The following SPARCL1 variants were observed in gnomAD, a reference collection of about 807,000 sequenced individuals.
SPARCL1 encodes the protein SPARC like 1, also known as SPARC-like protein 1.
SPARCL1 carries 52 observed loss-of-function variants against 67.1 expected under a neutral mutation model. The ratio of observed to expected loss-of-function variants is 0.78; its 90% CI spans 0.62 to 0.98. SPARCL1 has a LOEUF of 0.98. Ranked by LOEUF, SPARCL1 falls within the 50% of genes least tolerant of loss-of-function variation. The pLI, the probability that SPARCL1 is intolerant of heterozygous loss-of-function variation, is 0.00. For synonymous variants in SPARCL1, 226 were observed against 267.8 expected, an observed-to-expected ratio of 0.84 and a Z score of 1.52; for missense variants, 717 against 782.4, an observed-to-expected ratio of 0.92 and a Z score of 1.00.
chr4:87,499,117 C>T (rs932416376), intron 2 of SPARCL1, among the ~76,000 whole-genome samples: 5 of 152,172 alleles, frequency 3.3e-5, no homozygotes, highest in Non-Finnish European at 5.9e-5. Flanking sequence ...CTCAGGTGAT[C>T]CGCCCATCTC....
At chr4:87,523,224 G>A (rs1293853082) in intron 1 of SPARCL1, among the ~76,000 whole-genome samples, 2 of 148,632 alleles carry the variant, frequency 1.3e-5, no homozygotes, top group African/African-American at 2.5e-5. Context: ...TCACACCACT[G>A]CACTCCAGCC....
intron 1 of SPARCL1, among the ~76,000 whole-genome samples, chr4:87,523,798 T>C (rs938117384): frequency 8.5e-5 from 13 of 152,222 alleles, no homozygotes; most frequent in African/African-American, 3.1e-4. Flanking sequence ...TACATTACAA[T>C]ATATTACCCA....
chr4:87,512,662 G>A (rs1044472677), intron 1 of SPARCL1, among the ~76,000 whole-genome samples: 1 of 152,092 alleles, frequency 6.6e-6, no homozygotes, highest in African/African-American at 2.4e-5. Flanking sequence ...ATTAACTCCA[G>A]ACAAAATCAG....
At chr4:87,494,819 A>G (rs1253983667) in intron 3 of SPARCL1, among the ~76,000 whole-genome samples, 162 bp downstream of exon 3, 3 of 152,200 alleles carry the variant, frequency 2.0e-5, no homozygotes, top group African/African-American at 7.2e-5. Flanking sequence ...AAACTCATTA[A>G]TCCTCATCAT....
chr4:87,511,965 C>CACTT (rs1725378061), intron 1 of SPARCL1, among the ~76,000 whole-genome samples: 1 of 82,032 alleles, frequency 1.2e-5, no homozygotes, highest in Non-Finnish European at 2.3e-5. Flanking sequence ...CTCTTTCTTT[C>CACTT]TCTTTTTTTT....
intron 1 of SPARCL1, among the ~76,000 whole-genome samples, chr4:87,508,285 C>T (rs1333549388): frequency 6.6e-6 from 1 of 151,844 alleles, no homozygotes; most frequent in African/African-American, 2.4e-5. Flanking sequence ...TGATTTTGAC[C>T]TCCTGGGCCC....
intron 1 of SPARCL1, among the ~76,000 whole-genome samples, chr4:87,512,019 C>CAGTGGCGTGATCT (rs1725385146): frequency 7.6e-6 from 1 of 132,432 alleles, no homozygotes; most frequent in Non-Finnish European, 1.5e-5. Flanking sequence ...GGCTGGAGTG[C>CAGTGGCGTGATCT]AGTGGCGTGA....
In SPARCL1 at chr4:87,525,849, G is replaced by A. The variant is rs571781100; in HGVS notation, c.-12+3196C>T. Among the ~76,000 whole-genome samples, 28 of 152,162 alleles carry A rather than the reference G, an allele frequency of 1.8e-4. No individual in the cohort carries two copies. In the South Asian group the frequency reaches 2.5e-3, roughly 14 times the overall value. The stretch of plus-strand genomic sequence containing the variant: ...CTCTACACCCTTTCATTGCTATGAC[G>A]ACAGCCTGCTCCTGCTACATGCAGC... On this transcript the variant is annotated intron_variant, in intron 1 of 10. Coordinates refer to ENST00000282470, the MANE Select transcript of SPARCL1 (RefSeq NM_004684.6).
chr4:87,482,421 T>TA lies in SPARCL1; in HGVS notation c.1668+2dup. 1 of 1,613,114 alleles carries TA rather than the reference T, an allele frequency of 6.2e-7. No homozygotes were observed. The highest frequency in any genetic ancestry group is 8.5e-7 in the Non-Finnish European group (1 of 1,179,828). On this transcript the variant is annotated splice_region_variant and intron_variant, in intron 8 of 10. Coordinates refer to ENST00000282470, the MANE Select transcript of SPARCL1 (RefSeq NM_004684.6). ...TGAAGAAGCTAACCTGTGGATAACT[T>TA]ACTTTATTTCTCTGCTTCTCATTTA...
At chr4:87,474,889 C>T (rs1291592471) in intron 10 of SPARCL1, among the ~76,000 whole-genome samples, 1 of 151,836 alleles carries the variant, frequency 6.6e-6, no homozygotes, top group African/African-American at 2.4e-5. Flanking sequence ...ACTACAGGCG[C>T]CCGCCACCAC....
chr4:87,508,889 G>GTATATA (rs142792848), intron 1 of SPARCL1, among the ~76,000 whole-genome samples: 2,982 of 138,300 alleles, frequency 0.022, 86 homozygotes, highest in Admixed American at 0.063. Context: ...ATGTATATAA[G>GTATATA]TATATATATA....
At chr4:87,508,182 G>A (rs62315960) in intron 1 of SPARCL1, among the ~76,000 whole-genome samples, 66,037 of 151,898 alleles carry the variant, frequency 0.43, 14,978 homozygotes, top group East Asian at 0.75. Context: ...GGGGAAACCC[G>A]GTAAGGCCCA....
chr4:87,509,129 A>C (rs1487883797), intron 1 of SPARCL1, among the ~76,000 whole-genome samples: 1 of 150,714 alleles, frequency 6.6e-6, no homozygotes, highest in Non-Finnish European at 1.5e-5. Flanking sequence ...TAATGTGATG[A>C]TTATGTACAT....
rs188260967 is a variant in SPARCL1 at position 87,501,640 on chromosome 4, C to T, written c.-11-2055G>A. On this transcript the variant is annotated intron_variant, in intron 1 of 10. Transcript: ENST00000282470. ...AGTATTTTTTTCTTCTTTATGGATGCTTTTATGTTTTTACATTTGGCCCTA... is the reference window on the plus strand; with the variant it reads ...AGTATTTTTTTCTTCTTTATGGATGTTTTTATGTTTTTACATTTGGCCCTA... Among the ~76,000 whole-genome samples the T allele has an allele frequency of 3.7e-3, 567 of 151,728 alleles. 16 individuals are homozygous for T. The highest frequency in any genetic ancestry group is 1.9e-3 in the East Asian group (10 of 5,160).
chr4:87,488,040 A>G (rs1306283417), intron 7 of SPARCL1, among the ~76,000 whole-genome samples: 5 of 152,246 alleles, frequency 3.3e-5, no homozygotes, highest in African/African-American at 1.2e-4. Context: ...GGGTTATAAC[A>G]TGTTCCTTTA....
At chr4:87,479,312 C>CTT in intron 10 of SPARCL1, 118 bp downstream of exon 10, 4 of 1,103,996 alleles carry the variant, frequency 3.6e-6, no homozygotes, top group South Asian at 1.6e-5. Flanking sequence ...AAGCTGCCAC[C>CTT]TTTTTTTTTC....
At chr4:87,509,768 TGTAA>T (rs553395511) in intron 1 of SPARCL1, among the ~76,000 whole-genome samples, 375 of 152,308 alleles carry the variant, frequency 2.5e-3, no homozygotes, top group African/African-American at 8.3e-3. Context: ...AAAGAATTAT[TGTAA>T]GTGTCTGTGT....
chr4:87,489,782 A>T (rs2110223326), intron 7 of SPARCL1, among the ~76,000 whole-genome samples: 1 of 152,360 alleles, frequency 6.6e-6, no homozygotes, highest in East Asian at 1.9e-4. Context: ...CGGAAACATT[A>T]GTGAGCACTG....
chr4:87,504,175 GTGTGT>G (rs1724977202), intron 1 of SPARCL1, among the ~76,000 whole-genome samples: 1 of 123,306 alleles, frequency 8.1e-6, no homozygotes, highest in African/African-American at 3.0e-5. Flanking sequence ...GTGTGTGTGT[GTGTGT>G]GTGGTGGGGT....
Sources: allele counts gnomAD v4.1 joint callset (sites outside exome capture counted in the v4.1 genomes callset), GRCh38; gene constraint gnomAD v4.1.1; transcripts MANE v1.5; gene names NCBI Gene and HGNC (gene_info 2026-07-23, HGNC 2026-07-21).